R3HDM2: variants seen among roughly 807,000 people sequenced by gnomAD.
The protein encoded by R3HDM2 is R3H domain-containing protein 2.
A neutral mutation model predicts 124.5 loss-of-function variants in R3HDM2; 38 were observed. The ratio of observed to expected loss-of-function variants is 0.31; its 90% CI spans 0.24 to 0.40. R3HDM2 has a LOEUF of 0.40. R3HDM2 is among the 10% of genes least tolerant of loss of function. The probability of loss-of-function intolerance (pLI) is 1.00; values close to 1 mark genes in which losing one functional copy is unlikely to be tolerated. For synonymous variants in R3HDM2, 391 were observed against 448.0 expected, an observed-to-expected ratio of 0.87 and a Z score of 1.61; for missense variants, 869 against 1,236.9, an observed-to-expected ratio of 0.70 and a Z score of 4.46.
Position 57,257,994 on chromosome 12 carries a change from T to A in R3HDM2, c.2445A>T (p.Ala815=). 6.4e-7 allele frequency: 1 copy of A among 1,559,572 alleles called. No individual in the cohort carries two copies. Among genetic ancestry groups the A allele is most frequent in the Non-Finnish European group, 8.7e-7 (1 of 1,144,876 alleles). Residue 815 remains alanine, a synonymous_variant, in exon 21 of 24, where the codon GCA becomes GCT. Coordinates refer to ENST00000402412, the MANE Select transcript of R3HDM2 (RefSeq NM_001394031.1). ...LTQFPRPGGP[A]QGDGRYSLLG... is the part of the protein sequence containing the mutation. Reference sequence around the variant, plus strand: ...AGCACTAATCTAACCCCCTACCCTGTGCTGGACCCCCAGGCCGGGGGAACT... The same window carrying A: ...AGCACTAATCTAACCCCCTACCCTGAGCTGGACCCCCAGGCCGGGGGAACT...
At position 57,255,998 on chromosome 12, in the gene R3HDM2, G is replaced by C; in HGVS notation, c.2624C>G (p.Ala875Gly). Residue 875 changes from alanine (A) to glycine (G), a missense_variant, in exon 23 of 24, where the codon GCA becomes GGA. Physicochemically the swap from Ala to Gly is moderately conservative, Grantham distance 60. Around this residue, in one of 2 missense-constraint regions of R3HDM2, gnomAD observed 602 missense variants for 789.2 expected, o/e 0.76. Coordinates refer to ENST00000402412, the MANE Select transcript of R3HDM2 (RefSeq NM_001394031.1). ...LKSASTDLGT[A>G]DVVLGRVLEV... ...AGCATCCCGTGACTCACCAACATCTGCTGTCCCCAGGTCAGTGGAGGCAGA... is the reference window on the plus strand; with the variant it reads ...AGCATCCCGTGACTCACCAACATCTCCTGTCCCCAGGTCAGTGGAGGCAGA... 6.2e-7 allele frequency: 1 copy of C among 1,612,646 alleles called. No homozygotes were observed. Among genetic ancestry groups the C allele is most frequent in the Non-Finnish European group, 8.5e-7 (1 of 1,179,254 alleles).
At chr12:57,371,083 C>T (rs190556817) in intron 2 of R3HDM2, among the ~76,000 whole-genome samples, 54 of 40,890 alleles carry the variant, frequency 1.3e-3, no homozygotes, top group Admixed American at 2.8e-3. Flanking sequence ...TATACCATTA[C>T]TTTTTTTTTT....
chr12:57,352,695 T>C (rs2060815938), intron 2 of R3HDM2, among the ~76,000 whole-genome samples: 1 of 152,064 alleles, frequency 6.6e-6, no homozygotes, highest in Admixed American at 6.6e-5. Flanking sequence ...GGTTTCACCA[T>C]GTTGGCCAGG....
intron 1 of R3HDM2, among the ~76,000 whole-genome samples, chr12:57,422,429 C>G: frequency 6.6e-6 from 1 of 152,120 alleles, no homozygotes; most frequent in Non-Finnish European, 1.5e-5. Context: ...TGCAGTTTGG[C>G]AAAGACTCTG....
chr12:57,320,261 C>CAAA (rs56207989), intron 2 of R3HDM2, among the ~76,000 whole-genome samples: 7 of 14,286 alleles, frequency 4.9e-4, no homozygotes, highest in Admixed American at 1.5e-3. Context: ...AACTCTATCT[C>CAAA]AAAAAAAAAA....
chr12:57,367,785 G>C (rs1229698488), intron 2 of R3HDM2, among the ~76,000 whole-genome samples: 1 of 152,100 alleles, frequency 6.6e-6, no homozygotes, highest in Non-Finnish European at 1.5e-5. Context: ...GCTATCACCA[G>C]AACTGTAAGT....
intron 10 of R3HDM2, among the ~76,000 whole-genome samples, 158 bp downstream of exon 10, chr12:57,295,241 A>G (rs946278280): frequency 6.6e-6 from 1 of 152,212 alleles, no homozygotes; most frequent in East Asian, 1.9e-4. Flanking sequence ...ACAAATAAAC[A>G]GTTCTCAACA....
At chr12:57,428,310 G>C (rs1204340694) in intron 1 of R3HDM2, among the ~76,000 whole-genome samples, 5 of 152,110 alleles carry the variant, frequency 3.3e-5, no homozygotes, top group East Asian at 1.9e-4. Flanking sequence ...TAGGGGAAAA[G>C]GGTGCCACAG....
In R3HDM2 at chr12:57,364,209, G is replaced by A. The variant is rs934231360; in HGVS notation, c.-36+31540C>T. 4.2e-5 allele frequency among the ~76,000 whole-genome samples: 6 copies of A among 142,566 alleles called. No homozygotes were observed. The East Asian group carries it at 1.3e-3, about 30-fold the overall frequency. 93.5% of individuals were successfully genotyped at this position (142,566 alleles called of 152,430 possible). On this transcript the variant is annotated intron_variant, in intron 2 of 23. Transcript: ENST00000402412. ...GTCACCCAGGTTGGAGTGCAGTGGT[G>A]CGATCTCAGTCAACTGCAACCTTCA...
At chr12:57,306,412 CTA>C (rs1433563348) in intron 3 of R3HDM2, among the ~76,000 whole-genome samples, 1 of 15,024 alleles carries the variant, frequency 6.7e-5, no homozygotes, top group Non-Finnish European at 2.3e-4. Flanking sequence ...ACCAAGTTGG[CTA>C]TTTTTTTTTT....
intron 2 of R3HDM2, among the ~76,000 whole-genome samples, chr12:57,353,442 A>G (rs1434193886): frequency 6.6e-6 from 1 of 152,210 alleles, no homozygotes; most frequent in African/African-American, 2.4e-5. Flanking sequence ...AAAACTTTAA[A>G]AAATGTCTTA....
Position 57,300,943 on chromosome 12 carries a change from A to T in R3HDM2, c.208-762T>A, listed in dbSNP as rs935654129. On this transcript the variant is annotated intron_variant, in intron 4 of 23. Coordinates refer to ENST00000402412, the MANE Select transcript of R3HDM2 (RefSeq NM_001394031.1). ...AGTGAGACCCTATCTCTGCAAAAAAATTTTTTAAAAATTAGCTGGCCATGG... is the reference window on the plus strand; with the variant it reads ...AGTGAGACCCTATCTCTGCAAAAAATTTTTTTAAAAATTAGCTGGCCATGG... Among the ~76,000 whole-genome samples, 10 of 152,060 alleles carry T rather than the reference A, an allele frequency of 6.6e-5. No homozygotes were observed. The East Asian group carries it at 7.8e-4, about 12-fold the overall frequency.
At chr12:57,392,174 C>G (rs1235125540) in intron 2 of R3HDM2, among the ~76,000 whole-genome samples, 1 of 152,160 alleles carries the variant, frequency 6.6e-6, no homozygotes, top group Non-Finnish European at 1.5e-5. Flanking sequence ...GTAGCTGAGA[C>G]TACAGGCTTC....
At position 57,296,179 on chromosome 12, in the gene R3HDM2, T is replaced by C. The variant is rs2049836314; in HGVS notation, c.701+232A>G. On this transcript the variant is annotated intron_variant, in intron 9 of 23. Transcript: ENST00000402412. This position sits in a 1 kb window ranked among gnomAD's most constrained non-coding sequence, Gnocchi z 4.5. ...CACTGCGCCCGGCCATTTTTAAACT[T>C]TTTTTTTTTTTTTAAAGTAATAGAG... Among the ~76,000 whole-genome samples, 1 of 144,576 alleles carries C rather than the reference T, an allele frequency of 6.9e-6. No homozygotes were observed. The highest frequency in any genetic ancestry group is 2.6e-5 in the African/African-American group (1 of 39,072). The allele number at this position is 144,576 out of a possible 152,430, so 94.8% of individuals were successfully genotyped here.
intron 2 of R3HDM2, among the ~76,000 whole-genome samples, chr12:57,377,903 C>T (rs505479): frequency 0.24 from 36,036 of 152,018 alleles, 4,629 homozygotes; most frequent in South Asian, 0.43. Flanking sequence ...GCCTGACCAA[C>T]GTGGTAAAAC....
intron 2 of R3HDM2, among the ~76,000 whole-genome samples, chr12:57,312,093 T>C (rs2054037463): frequency 6.6e-6 from 1 of 152,218 alleles, no homozygotes; most frequent in African/African-American, 2.4e-5. Flanking sequence ...CTCTCCCAGA[T>C]GTCACATCTA....
chr12:57,420,822 C>T (rs1049311336), intron 1 of R3HDM2, among the ~76,000 whole-genome samples: 2 of 152,130 alleles, frequency 1.3e-5, no homozygotes, highest in African/African-American at 2.4e-5. Flanking sequence ...TCAACTACAA[C>T]GTATATACTA....
At chr12:57,347,296 A>T (rs1255064546) in intron 2 of R3HDM2, among the ~76,000 whole-genome samples, 1 of 152,210 alleles carries the variant, frequency 6.6e-6, no homozygotes, top group East Asian at 1.9e-4. Context: ...GTGTACATGT[A>T]CCACATATCT....
At chr12:57,311,319 G>T (rs2053857748) in intron 2 of R3HDM2, among the ~76,000 whole-genome samples, 1 of 151,948 alleles carries the variant, frequency 6.6e-6, no homozygotes, top group Non-Finnish European at 1.5e-5. Context: ...TCTGCCTCCT[G>T]GGTTCACATC....
Sources: gnomAD v4.1 joint callset for allele counts (sites outside exome capture counted in the v4.1 genomes callset) on GRCh38, gnomAD v4.1.1 for gene constraint, gnomAD v4.1.1 regional missense constraint, Gnocchi (gnomAD v3.1) non-coding constraint, MANE v1.5 for transcripts, NCBI Gene and HGNC (gene_info 2026-07-23, HGNC 2026-07-21) for gene names.